The following RAD51B variants were observed in gnomAD, a reference collection of about 807,000 sequenced individuals.
The protein encoded by RAD51B is RAD51 paralog B.
In RAD51B, 38 loss-of-function variants were observed where a neutral mutation model predicts 42.2. The ratio of observed to expected loss-of-function variants is 0.90; its 90% CI spans 0.70 to 1.18. The LOEUF (loss-of-function observed/expected upper bound fraction) is 1.18. RAD51B is among the 50% of genes most tolerant of loss of function. The pLI is 0.00. For synonymous variants in RAD51B, 154 were observed against 145.2 expected (o/e 1.06, Z -0.43); for missense variants, 373 against 400.7 (o/e 0.93, Z 0.59).
At chr14:68,615,767 A>G (rs1891813391), downstream of RAD51B, among the ~76,000 whole-genome samples, 1 of 152,122 alleles carries the variant, frequency 6.6e-6, no homozygotes, top group South Asian at 2.1e-4. Context: ...TAAGCATTGC[A>G]CAGCATATCT....
chr14:67,954,127 T>C (rs2074504102), intron 7 of RAD51B, among the ~76,000 whole-genome samples: 1 of 152,170 alleles, frequency 6.6e-6, no homozygotes, highest in South Asian at 2.1e-4. Context: ...TCCATGGTTA[T>C]AGTAACGCTC....
At chr14:68,014,875 G>A (rs906628589) in intron 7 of RAD51B, among the ~76,000 whole-genome samples, 6 of 150,524 alleles carry the variant, frequency 4.0e-5, no homozygotes, top group African/African-American at 7.3e-5. Context: ...AGGAGCATGT[G>A]GATTCATTGC....
chr14:68,593,746 T>G (rs1391732516), intron 10 of RAD51B, among the ~76,000 whole-genome samples: 1 of 152,162 alleles, frequency 6.6e-6, no homozygotes, highest in Non-Finnish European at 1.5e-5. Flanking sequence ...GTGCAGCCCC[T>G]CAAATCACCC....
intron 8 of RAD51B, among the ~76,000 whole-genome samples, chr14:68,409,313 G>A (rs1282642277): frequency 6.6e-6 from 1 of 152,172 alleles, no homozygotes; most frequent in Non-Finnish European, 1.5e-5. Flanking sequence ...GACTGAGAGG[G>A]TTGTGAATTT....
intron 7 of RAD51B, among the ~76,000 whole-genome samples, chr14:68,091,838 C>T (rs2077105186): frequency 6.6e-6 from 1 of 152,124 alleles, no homozygotes; most frequent in African/African-American, 2.4e-5. Flanking sequence ...TTAGGTCTAA[C>T]ATGTAAGTCT....
intron 5 of RAD51B, among the ~76,000 whole-genome samples, chr14:67,866,355 A>C (rs2042336516): frequency 6.6e-6 from 1 of 152,202 alleles, no homozygotes; most frequent in Non-Finnish European, 1.5e-5. Context: ...AGACTGGTTC[A>C]CTCAAATTGT....
chr14:68,601,458 G>A (rs1891215100), intron 10 of RAD51B, among the ~76,000 whole-genome samples: 1 of 152,102 alleles, frequency 6.6e-6, no homozygotes, highest in African/African-American at 2.4e-5. Context: ...AAGGGGGCTG[G>A]GAGAGTGCAT....
chr14:67,949,005 A>G (rs1223045871), intron 7 of RAD51B, among the ~76,000 whole-genome samples: 3 of 149,622 alleles, frequency 2.0e-5, no homozygotes, highest in African/African-American at 4.9e-5. Context: ...TAAAAATGCT[A>G]GTGATCATCT....
intron 7 of RAD51B, among the ~76,000 whole-genome samples, chr14:68,129,800 C>G (rs1385282357): frequency 6.6e-6 from 1 of 152,142 alleles, no homozygotes; most frequent in Non-Finnish European, 1.5e-5. Flanking sequence ...AATTCCTAGG[C>G]CCTATCCCCA....
chr14:68,445,328 T>C (rs2085397363), intron 9 of RAD51B, among the ~76,000 whole-genome samples: 1 of 152,190 alleles, frequency 6.6e-6, no homozygotes, highest in Non-Finnish European at 1.5e-5. Flanking sequence ...AATGATTCTG[T>C]ATAAGATTAC....
intron 5 of RAD51B, among the ~76,000 whole-genome samples, chr14:67,868,711 G>C (rs1449584099): frequency 6.6e-6 from 1 of 152,270 alleles, no homozygotes; most frequent in Non-Finnish European, 1.5e-5. Flanking sequence ...AGAGAGCAGT[G>C]GTTCTCCCAG....
chr14:68,416,839 G>A (rs1369818224), intron 9 of RAD51B, among the ~76,000 whole-genome samples: 1 of 152,204 alleles, frequency 6.6e-6, no homozygotes, highest in Non-Finnish European at 1.5e-5. Context: ...CAGGCTGAGG[G>A]AGAGAAGGGT....
chr14:68,651,004 T>C lies in RAD51B; in HGVS notation c.*11+148T>C, dbSNP rs144957810. The C allele has an allele frequency of 4.5e-5, 26 of 572,888 alleles. No individual in the cohort carries two copies. In the East Asian group the frequency reaches 6.4e-4, roughly 14 times the overall value. The allele number at this position is 572,888 out of a possible 1,614,324, so 35.5% of individuals were successfully genotyped here. A position where few individuals can be genotyped will look rare whatever the true frequency, so the allele number is the denominator to read the frequency against. On this transcript the variant is annotated intron_variant, in intron 11 of 11. Transcript: ENST00000488612. ...AAATGGCCACACATATCTCAAAGGT[T>C]TGGGCACTACTGGGTTAACAGTACA...
intron 8 of RAD51B, among the ~76,000 whole-genome samples, chr14:68,313,546 A>G (rs1471557238): frequency 6.6e-6 from 1 of 152,142 alleles, no homozygotes; most frequent in Admixed American, 6.5e-5. Context: ...CAAGGACTCC[A>G]CTTCCAGCCC....
downstream of RAD51B, among the ~76,000 whole-genome samples, chr14:68,479,233 T>C (rs192403196): frequency 2.8e-4 from 42 of 152,342 alleles, no homozygotes; most frequent in Non-Finnish European, 5.0e-4. Flanking sequence ...TCAGGAAATA[T>C]ACATTTCCTG....
intron 7 of RAD51B, among the ~76,000 whole-genome samples, chr14:68,144,510 TCA>T (rs1231305686): frequency 6.6e-6 from 1 of 152,252 alleles, no homozygotes; most frequent in East Asian, 1.9e-4. Flanking sequence ...GATTAAAATC[TCA>T]CACAGTCATT....
chr14:67,960,099 A>AGT (rs1171533217), intron 7 of RAD51B, among the ~76,000 whole-genome samples: 2 of 151,938 alleles, frequency 1.3e-5, no homozygotes, highest in East Asian at 1.9e-4. Flanking sequence ...AAAAAAAAGA[A>AGT]GTGTGTGTGT....
intron 11 of RAD51B, among the ~76,000 whole-genome samples, chr14:68,664,568 A>G (rs80061466): frequency 0.027 from 4,170 of 152,288 alleles, 170 homozygotes; most frequent in African/African-American, 0.095. Context: ...ATTTCTGCCA[A>G]GATGGAGGAA....
chr14:68,077,573 A>G (rs961190886), intron 7 of RAD51B, among the ~76,000 whole-genome samples: 2 of 152,264 alleles, frequency 1.3e-5, no homozygotes, highest in Non-Finnish European at 2.9e-5. Flanking sequence ...TCACAAGCTC[A>G]TACTCCGAGA....
Sources: gnomAD v4.1 joint callset for allele counts (sites outside exome capture counted in the v4.1 genomes callset) on GRCh38, gnomAD v4.1.1 for gene constraint, MANE v1.5 for transcripts, NCBI Gene and HGNC (gene_info 2026-07-23, HGNC 2026-07-21) for gene names.